The following CATSPERE variants were observed in gnomAD, a reference collection of about 807,000 sequenced individuals.
CATSPERE encodes cation channel sperm-associated auxiliary subunit epsilon.
In CATSPERE, 93 loss-of-function variants were observed where a neutral mutation model predicts 114.1. That is an observed-to-expected ratio of 0.81 (90% confidence interval 0.69 to 0.97). The LOEUF (loss-of-function observed/expected upper bound fraction) is 0.97, where lower values mean the gene tolerates loss of function less well. Among genes scored for constraint, CATSPERE ranks in the 50% least tolerant of loss-of-function variants. CATSPERE has a pLI of 0.00. For missense variants in CATSPERE, 1,058 were observed against 1,131.6 expected (o/e 0.93, Z 0.93); for synonymous variants, 341 against 384.1 (o/e 0.89, Z 1.31).
At chr1:244,459,147 C>T (rs191144012), upstream of CATSPERE, among the ~76,000 whole-genome samples, 429 of 149,724 alleles carry the variant, frequency 2.9e-3, no homozygotes, top group Non-Finnish European at 5.5e-3. Context: ...GGCTCAGTCT[C>T]GGCTCACTGC....
intron 5 of CATSPERE, among the ~76,000 whole-genome samples, chr1:244,486,606 G>A (rs879731142): frequency 1.8e-5 from 2 of 108,728 alleles, no homozygotes. Context: ...TCCAGCATGT[G>A]GAGTACTCGT....
rs536015161 is a variant in CATSPERE at position 244,504,472 on chromosome 1, T to G, written c.429+5393T>G. 9.2e-5 allele frequency among the ~76,000 whole-genome samples: 14 copies of G among 152,330 alleles called. No homozygotes were observed. The highest frequency in any genetic ancestry group is 2.9e-4 in the African/African-American group (12 of 41,578). Reference sequence around the variant, plus strand: ...ATTATTATTAATAGAAGTCCATATTTTATTCACATTTCCTCAGCTAATGTT... The same window carrying G: ...ATTATTATTAATAGAAGTCCATATTGTATTCACATTTCCTCAGCTAATGTT... On this transcript the variant is annotated intron_variant, in intron 7 of 21. Coordinates refer to ENST00000366534, the MANE Select transcript of CATSPERE (RefSeq NM_001130957.2). The surrounding 1 kb of genome is among the most constrained non-coding windows in gnomAD (Gnocchi z 4.1).
chr1:244,480,177 T>C (rs1229654345), intron 5 of CATSPERE, among the ~76,000 whole-genome samples: 1 of 152,212 alleles, frequency 6.6e-6, no homozygotes, highest in Non-Finnish European at 1.5e-5. Flanking sequence ...TTCTATTATA[T>C]GCATTTCAAA....
At position 244,639,937 on chromosome 1, in the gene CATSPERE, C is replaced by T. The variant is rs1408487468; in HGVS notation, c.2712C>T (p.Val904=). 7.1e-6 allele frequency: 11 copies of T among 1,541,862 alleles called. No individual in the cohort carries two copies. Among genetic ancestry groups the T allele is most frequent in the Non-Finnish European group, 9.6e-6 (11 of 1,144,354 alleles). The change falls in exon 22 of 22, where the codon GTC becomes GTT. Residue 904 remains valine (V), a synonymous_variant. Transcript: ENST00000366534. ...ETFGLIPSPS[V]YLVASFLFVL... ...TTTTTTCTGATTTCAGTCCAAGTGT[C>T]TACCTGGTAGCTTCTTTCCTCTTCG...
At chr1:244,586,995 T>C (rs1667111374) in intron 13 of CATSPERE, among the ~76,000 whole-genome samples, 1 of 152,180 alleles carries the variant, frequency 6.6e-6, no homozygotes, top group African/African-American at 2.4e-5. Context: ...TCCTTTAATA[T>C]CTGTATAGTA....
chr1:244,638,433 A>G (rs1388317641), intron 21 of CATSPERE, among the ~76,000 whole-genome samples: 1 of 152,150 alleles, frequency 6.6e-6, no homozygotes, highest in Non-Finnish European at 1.5e-5. Context: ...ACCCTCCTTT[A>G]GCAGCCTTTA....
At chr1:244,593,712 C>T (rs1043720732) in intron 17 of CATSPERE, 134 bp downstream of exon 17, 14 of 727,214 alleles carry the variant, frequency 1.9e-5, no homozygotes, top group Non-Finnish European at 3.2e-5. Context: ...ACTTGGTTTT[C>T]AGTACTAGTT....
chr1:244,584,783 C>T (rs1386930157), intron 13 of CATSPERE, among the ~76,000 whole-genome samples: 2 of 152,144 alleles, frequency 1.3e-5, no homozygotes, highest in African/African-American at 4.8e-5. Context: ...GGGCAAGGTT[C>T]CATACATTTA....
At chr1:244,590,252 T>TGTTA (rs796673267) in intron 14 of CATSPERE, among the ~76,000 whole-genome samples, 89 of 152,290 alleles carry the variant, frequency 5.8e-4, no homozygotes, top group African/African-American at 2.0e-3. Flanking sequence ...TAACTAGAAA[T>TGTTA]TATGTTAATC....
chr1:244,457,178 A>C (rs1484471499), upstream of CATSPERE, among the ~76,000 whole-genome samples: 1 of 152,242 alleles, frequency 6.6e-6, no homozygotes, highest in Non-Finnish European at 1.5e-5. Context: ...AGGTTAAAAC[A>C]TTAAAATCGT....
At chr1:244,458,839 C>G (rs1434691393), upstream of CATSPERE, among the ~76,000 whole-genome samples, 1 of 152,150 alleles carries the variant, frequency 6.6e-6, no homozygotes, top group African/African-American at 2.4e-5. Context: ...TTTACCAAGG[C>G]TTTGACTGGA....
At chr1:244,455,948 C>A (rs1666121131) in intron 1 of CATSPERE, among the ~76,000 whole-genome samples, 1 of 152,164 alleles carries the variant, frequency 6.6e-6, no homozygotes, top group Admixed American at 6.5e-5. Context: ...TCTGAGAGAG[C>A]TTTGGTGTAT....
chr1:244,635,302 G>A (rs1229667310), intron 20 of CATSPERE, among the ~76,000 whole-genome samples, 187 bp from the exon 21 acceptor site: 1 of 152,140 alleles, frequency 6.6e-6, no homozygotes, highest in East Asian at 1.9e-4. Context: ...TCTCAGAGAA[G>A]CCTGAGCTGT....
chr1:244,556,042 T>G (rs1252731368), intron 9 of CATSPERE, among the ~76,000 whole-genome samples: 1 of 151,958 alleles, frequency 6.6e-6, no homozygotes, highest in Non-Finnish European at 1.5e-5. Flanking sequence ...ATAAAAAATT[T>G]AAAAAGTTAA....
In CATSPERE at chr1:244,593,092, G is replaced by A. The variant is rs553452043; in HGVS notation, c.2190-303G>A. Reference sequence around the variant, plus strand: ...AAGAACTGTACTGGAATAGCACAACGAACATGGGCTTTATTGTCACACATC... The same window carrying A: ...AAGAACTGTACTGGAATAGCACAACAAACATGGGCTTTATTGTCACACATC... On this transcript the variant is annotated intron_variant, in intron 15 of 21. Transcript: ENST00000366534. Among the ~76,000 whole-genome samples, 102 of 152,284 alleles carry A rather than the reference G, an allele frequency of 6.7e-4. 1 individual carries two copies. The South Asian group carries it at 0.02, about 30-fold the overall frequency.
chr1:244,523,179 A>C (rs1677895343), intron 8 of CATSPERE, among the ~76,000 whole-genome samples: 1 of 149,822 alleles, frequency 6.7e-6, no homozygotes, highest in South Asian at 2.1e-4. Context: ...AGGCTGATTC[A>C]ATATACGCAA....
At chr1:244,630,819 C>T (rs1673847339) in intron 20 of CATSPERE, among the ~76,000 whole-genome samples, 2 of 152,024 alleles carry the variant, frequency 1.3e-5, no homozygotes. Context: ...ACTCCCCTTT[C>T]TCTAAGTCTT....
chr1:244,595,492 A>C (rs998172113), intron 17 of CATSPERE, among the ~76,000 whole-genome samples: 4 of 152,202 alleles, frequency 2.6e-5, no homozygotes, highest in African/African-American at 9.7e-5. Flanking sequence ...AGTTGGAGGA[A>C]GAAAATTTAT....
chr1:244,469,733 G>A (rs890861926), intron 2 of CATSPERE, among the ~76,000 whole-genome samples: 1 of 152,098 alleles, frequency 6.6e-6, no homozygotes, highest in Non-Finnish European at 1.5e-5. Flanking sequence ...TACCAGAATA[G>A]ACAAAACAGT....
Sources: gnomAD v4.1 joint callset for allele counts (sites outside exome capture counted in the v4.1 genomes callset) on GRCh38, gnomAD v4.1.1 for gene constraint, Gnocchi (gnomAD v3.1) non-coding constraint, MANE v1.5 for transcripts, NCBI Gene and HGNC (gene_info 2026-07-23, HGNC 2026-07-21) for gene names.